OSBP2: variants seen among roughly 807,000 people sequenced by gnomAD.
OSBP2 encodes oxysterol-binding protein 2.
Under a neutral mutation model 96.0 loss-of-function variants are expected in OSBP2, and 66 were observed. That is an observed-to-expected ratio of 0.69 (90% confidence interval 0.56 to 0.84). The LOEUF (loss-of-function observed/expected upper bound fraction) is 0.84. Ranked by LOEUF, OSBP2 falls within the 40% of genes least tolerant of loss-of-function variation. OSBP2 has a pLI of 0.00. For missense variants in OSBP2, 1,038 were observed against 1,222.7 expected, an observed-to-expected ratio of 0.85 and a Z score of 2.25; for synonymous variants, 525 against 520.9, an observed-to-expected ratio of 1.01 and a Z score of -0.11.
intron 1 of OSBP2, among the ~76,000 whole-genome samples, chr22:30,713,868 C>T (rs1261054881): frequency 1.3e-5 from 2 of 152,188 alleles, no homozygotes; most frequent in Non-Finnish European, 2.9e-5. Flanking sequence ...AAGTAACTAG[C>T]ATATCCATCA....
upstream of OSBP2, chr22:30,694,093 C>T (rs1474059137): frequency 6.5e-7 from 1 of 1,550,194 alleles, no homozygotes; most frequent in Non-Finnish European, 8.7e-7. Flanking sequence ...GCGGAAGCCT[C>T]ACAGACTGCC....
At position 30,730,767 on chromosome 22, in the gene OSBP2, T is replaced by TC. The variant is rs1211732100; in HGVS notation, c.645-10393dup. ...CTCTCTCTCTCTCTCTCTCTCTCTC[T>TC]CTCTCTCTATATATATATATATATA... On this transcript the variant is annotated intron_variant, in intron 1 of 13. Transcript: ENST00000332585. Among the ~76,000 whole-genome samples the TC allele has an allele frequency of 1.9e-3, 95 of 49,048 alleles. 9 individuals are homozygous for TC. Among genetic ancestry groups the TC allele is most frequent in the South Asian group, 8.7e-3 (8 of 924 alleles). The allele number at this position is 49,048 out of a possible 152,430, so 32.2% of individuals were successfully genotyped here. A position where few individuals can be genotyped will look rare whatever the true frequency, so the allele number is the denominator to read the frequency against.
chr22:30,756,749 A>C (rs76003721), intron 2 of OSBP2, among the ~76,000 whole-genome samples: 2,089 of 152,230 alleles, frequency 0.014, 43 homozygotes, highest in African/African-American at 0.047. Context: ...GGGATAAATC[A>C]AATCATGCTA....
chr22:30,845,259 G>A (rs573984050), intron 2 of OSBP2, among the ~76,000 whole-genome samples: 5 of 152,170 alleles, frequency 3.3e-5, no homozygotes, highest in East Asian at 1.9e-4. Context: ...GGTGAAACCC[G>A]TCTCTACCAT....
intron 2 of OSBP2, among the ~76,000 whole-genome samples, chr22:30,786,755 T>C (rs2090595829): frequency 6.6e-6 from 1 of 151,786 alleles, no homozygotes; most frequent in Admixed American, 6.6e-5. Context: ...TGCCTCAAGA[T>C]GAGGCTGGAG....
At chr22:30,720,554 C>T (rs2089531950) in intron 1 of OSBP2, among the ~76,000 whole-genome samples, 1 of 152,156 alleles carries the variant, frequency 6.6e-6, no homozygotes, top group Admixed American at 6.5e-5. Flanking sequence ...CTGAAATGCA[C>T]ACTCAATATC....
chr22:30,811,856 A>ATTT (rs765755360), intron 2 of OSBP2, among the ~76,000 whole-genome samples: 2 of 135,210 alleles, frequency 1.5e-5, no homozygotes, highest in Admixed American at 1.5e-4. Context: ...CGCCCGGCCT[A>ATTT]TTTTTTTTTT....
intron 2 of OSBP2, among the ~76,000 whole-genome samples, chr22:30,797,922 T>C (rs1053489234): frequency 8.5e-5 from 13 of 152,226 alleles, no homozygotes; most frequent in African/African-American, 3.1e-4. Flanking sequence ...GGTGTACACG[T>C]ATCTCTTTGA....
intron 1 of OSBP2, among the ~76,000 whole-genome samples, chr22:30,738,900 G>T (rs1194406626): frequency 6.6e-6 from 1 of 152,134 alleles, no homozygotes; most frequent in Admixed American, 6.6e-5. Context: ...TTTGACTTTA[G>T]AACTGATAGA....
intron 2 of OSBP2, among the ~76,000 whole-genome samples, chr22:30,767,548 T>TTC: frequency 6.7e-6 from 1 of 148,568 alleles, no homozygotes; most frequent in Middle Eastern, 3.5e-3. Context: ...AGAATTCCTT[T>TTC]TTTTTTTTTT....
chr22:30,823,802 C>T (rs530165238), intron 2 of OSBP2, among the ~76,000 whole-genome samples: 4 of 152,326 alleles, frequency 2.6e-5, no homozygotes, highest in South Asian at 2.1e-4. Context: ...AAGTAAATTT[C>T]GTCCAAAGTG....
At chr22:30,858,914 A>ATAAT (rs201632027) in intron 2 of OSBP2, among the ~76,000 whole-genome samples, 2 of 146,582 alleles carry the variant, frequency 1.4e-5, no homozygotes, top group Admixed American at 6.9e-5. Context: ...AATAATAATA[A>ATAAT]AAGCATTCCC....
At chr22:30,693,948 G>A (rs2088970931), upstream of OSBP2, 9 of 913,488 alleles carry the variant, frequency 9.9e-6, 1 homozygote, top group South Asian at 4.8e-5. Flanking sequence ...CTGGGCTACC[G>A]AGTGAGACTC....
intron 2 of OSBP2, among the ~76,000 whole-genome samples, chr22:30,748,626 C>T (rs935272318): frequency 3.9e-5 from 6 of 152,146 alleles, no homozygotes; most frequent in Non-Finnish European, 8.8e-5. Context: ...TGTGGTGTTG[C>T]GGTTCCTTTC....
intron 2 of OSBP2, among the ~76,000 whole-genome samples, chr22:30,869,704 T>G (rs1484935660): frequency 6.6e-6 from 1 of 152,124 alleles, no homozygotes; most frequent in Non-Finnish European, 1.5e-5. Flanking sequence ...CCCGGCTAAT[T>G]TTTCTATTTT....
chr22:30,821,949 G>C (rs1002412123), intron 2 of OSBP2, among the ~76,000 whole-genome samples: 1 of 152,242 alleles, frequency 6.6e-6, no homozygotes, highest in South Asian at 2.1e-4. Context: ...GTGGAGTTGT[G>C]TTCAAAGGCC....
chr22:30,772,600 G>C (rs1273562488), intron 2 of OSBP2, among the ~76,000 whole-genome samples: 1 of 152,174 alleles, frequency 6.6e-6, no homozygotes, highest in Non-Finnish European at 1.5e-5. Flanking sequence ...GAGCAGCCCT[G>C]CTGGCTCTGG....
chr22:30,805,499 T>C (rs2090916461), intron 2 of OSBP2, among the ~76,000 whole-genome samples: 1 of 152,240 alleles, frequency 6.6e-6, no homozygotes. Context: ...TTAACCTCTA[T>C]AAGCCTCTGT....
intron 1 of OSBP2, among the ~76,000 whole-genome samples, chr22:30,733,100 G>A (rs962674655): frequency 6.6e-6 from 1 of 152,336 alleles, no homozygotes; most frequent in Admixed American, 6.5e-5. Flanking sequence ...CAAGGTGGAA[G>A]GGGTCTGATA....
Sources: allele counts gnomAD v4.1 joint callset (sites outside exome capture counted in the v4.1 genomes callset), GRCh38; gene constraint gnomAD v4.1.1; transcripts MANE v1.5; gene names NCBI Gene and HGNC (gene_info 2026-07-23, HGNC 2026-07-21).